NRXN3: variants seen among roughly 807,000 people sequenced by gnomAD.
NRXN3 encodes the protein neurexin III.
NRXN3 carries 32 observed loss-of-function variants against 137.6 expected under a neutral mutation model. That is an observed-to-expected ratio of 0.23 (90% CI 0.18 to 0.31). NRXN3 has a LOEUF of 0.31. Among genes scored for constraint, NRXN3 ranks in the 10% least tolerant of loss-of-function variants. NRXN3 has a pLI of 1.00. For synonymous variants in NRXN3, 798 were observed against 784.5 expected, an observed-to-expected ratio of 1.02 and a Z score of -0.29; for missense variants, 1,574 against 2,062.5, an observed-to-expected ratio of 0.76 and a Z score of 4.59.
intron 10 of NRXN3, among the ~76,000 whole-genome samples, chr14:78,881,593 G>A (rs1008714071): frequency 6.6e-6 from 1 of 151,568 alleles, no homozygotes; most frequent in Non-Finnish European, 1.5e-5. Flanking sequence ...AGATGATTTA[G>A]GGTATCTAGT....
At position 79,361,498 on chromosome 14, in the gene NRXN3, C is replaced by T. The variant is rs568069100; in HGVS notation, c.3263-105723C>T. Reference sequence around the variant, plus strand: ...TTGGGAGGCCGAGGTGGGTGGATCACTTGAGGTCAGGAGTTTGAGACTAGC... The same window carrying T: ...TTGGGAGGCCGAGGTGGGTGGATCATTTGAGGTCAGGAGTTTGAGACTAGC... On this transcript the variant is annotated intron_variant, in intron 15 of 20. Transcript: ENST00000335750. Among the ~76,000 whole-genome samples the T allele has an allele frequency of 5.3e-5, 8 of 152,220 alleles. No homozygotes were observed. In the South Asian group the frequency reaches 8.3e-4, roughly 16 times the overall value.
At chr14:79,225,291 C>G (rs138439970) in intron 15 of NRXN3, among the ~76,000 whole-genome samples, 47 of 152,236 alleles carry the variant, frequency 3.1e-4, no homozygotes, top group Admixed American at 3.0e-3. Flanking sequence ...TAAGATAAAA[C>G]CAAAAGCCAA....
intron 4 of NRXN3, among the ~76,000 whole-genome samples, chr14:78,427,845 T>A (rs183267581): frequency 2.0e-5 from 3 of 152,310 alleles, no homozygotes; most frequent in East Asian, 3.9e-4. Context: ...CCTCTACCCA[T>A]TAGCCAGAGG....
intron 2 of NRXN3, among the ~76,000 whole-genome samples, chr14:78,245,138 G>A (rs548455778): frequency 1.3e-5 from 2 of 152,268 alleles, no homozygotes; most frequent in South Asian, 4.1e-4. Context: ...TATCCTTTTA[G>A]GATTAAGCCC....
At chr14:78,546,738 C>A (rs1261799062) in intron 4 of NRXN3, among the ~76,000 whole-genome samples, 1 of 152,170 alleles carries the variant, frequency 6.6e-6, no homozygotes, top group East Asian at 1.9e-4. Context: ...ACACTTACTG[C>A]TGCTATGTGG....
At chr14:79,655,813 A>G (rs1206154975) in intron 16 of NRXN3, among the ~76,000 whole-genome samples, 1 of 152,152 alleles carries the variant, frequency 6.6e-6, no homozygotes, top group African/African-American at 2.4e-5. Context: ...GTCCCTGGAG[A>G]TAAGCATCCC....
In NRXN3 at chr14:79,782,442, T is replaced by C. The variant is rs149303824; in HGVS notation, c.4015-22670T>C. 6.4e-3 allele frequency among the ~76,000 whole-genome samples: 967 copies of C among 152,264 alleles called. 40 individuals are homozygous for C. The highest frequency in any genetic ancestry group is 0.057 in the Admixed American group (877 of 15,296). On this transcript the variant is annotated intron_variant, in intron 19 of 20. Coordinates refer to ENST00000335750, the MANE Select transcript of NRXN3 (RefSeq NM_001330195.2). ...TCATATATAAAGAGTATTCTGAGAGTAAAACACGCATACAAATGAAAAGTA... is the reference window on the plus strand; with the variant it reads ...TCATATATAAAGAGTATTCTGAGAGCAAAACACGCATACAAATGAAAAGTA...
intron 4 of NRXN3, among the ~76,000 whole-genome samples, chr14:78,543,375 C>T (rs549447359): frequency 1.4e-4 from 22 of 151,760 alleles, no homozygotes; most frequent in Non-Finnish European, 2.7e-4. Flanking sequence ...GTGTCCTCAA[C>T]ATATTGAAAA....
chr14:78,388,684 C>G (rs1314022275), intron 4 of NRXN3, among the ~76,000 whole-genome samples: 2 of 151,996 alleles, frequency 1.3e-5, no homozygotes, highest in Non-Finnish European at 2.9e-5. Context: ...ACTATCTAAC[C>G]CTTTATAGAG....
At chr14:79,334,131 T>C (rs1166916182) in intron 15 of NRXN3, among the ~76,000 whole-genome samples, 1 of 152,142 alleles carries the variant, frequency 6.6e-6, no homozygotes, top group Non-Finnish European at 1.5e-5. Flanking sequence ...GGGATGGGGC[T>C]AAAAACAATA....
chr14:78,614,794 C>CACTCCCT (rs2097331614), intron 4 of NRXN3: 1 of 343,146 alleles, frequency 2.9e-6, no homozygotes, highest in African/African-American at 2.1e-5. Context: ...GTGCCCAAGG[C>CACTCCCT]ACTCCCTACA....
At chr14:79,378,264 C>T (rs575872305) in intron 15 of NRXN3, among the ~76,000 whole-genome samples, 12 of 152,156 alleles carry the variant, frequency 7.9e-5, no homozygotes, top group Non-Finnish European at 1.5e-4. Context: ...ATGACTCTGG[C>T]ACACAGACCA....
intron 15 of NRXN3, among the ~76,000 whole-genome samples, chr14:79,168,907 A>G (rs1384624124): frequency 6.6e-6 from 1 of 152,098 alleles, no homozygotes. Context: ...ATTAGAGTAC[A>G]AATTCCTCCA....
rs75762891 is a variant in NRXN3, at chr14:78,913,756, A to G, written c.2276-43486A>G. ...AAGAAATAAAGCCTACTTGAAGTCC[A>G]TAAAGAGAAAACAGATGAAATCTGG... On this transcript the variant is annotated intron_variant, in intron 10 of 20. Coordinates refer to ENST00000335750, the MANE Select transcript of NRXN3 (RefSeq NM_001330195.2). Among the ~76,000 whole-genome samples, 622 of 152,274 alleles carry G rather than the reference A, an allele frequency of 4.1e-3. 6 individuals are homozygous for G. Among genetic ancestry groups the G allele is most frequent in the Non-Finnish European group, 6.7e-3 (457 of 68,018 alleles).
intron 19 of NRXN3, among the ~76,000 whole-genome samples, chr14:79,757,435 T>C (rs1277075071): frequency 2.6e-5 from 4 of 152,170 alleles, no homozygotes; most frequent in African/African-American, 9.7e-5. Context: ...ATGGGTTTCC[T>C]GATATTATTG....
rs755514894 is a variant in NRXN3, at chr14:78,967,221, G to A, written c.2791G>A (p.Val931Ile). ...VELVKGYIHY[V>I]FDLGNGPNVI... ...TTTTCTTCCTAGGTATATACACTAC[G>A]TTTTTGACCTCGGAAACGGTCCCAA... Residue 931 changes from valine to isoleucine, a missense_variant, in exon 13 of 21, where the codon GTT becomes ATT. Val to Ile is a conservative substitution (Grantham distance 29). This residue lies in a region of NRXN3 where 718 missense variants were observed against 887.6 expected (regional missense o/e 0.81). Transcript: ENST00000335750. The A allele has an allele frequency of 3.0e-5, 48 of 1,603,866 alleles. No homozygotes were observed. The highest frequency in any genetic ancestry group is 5.5e-5 in the South Asian group (5 of 90,464).
chr14:79,517,588 G>A (rs2097005492), intron 16 of NRXN3, among the ~76,000 whole-genome samples: 2 of 152,032 alleles, frequency 1.3e-5, no homozygotes, highest in Admixed American at 6.6e-5. Context: ...GCACTACCAT[G>A]TTTTGCTTTA....
At chr14:79,449,000 T>C (rs928633705) in intron 15 of NRXN3, among the ~76,000 whole-genome samples, 2 of 152,062 alleles carry the variant, frequency 1.3e-5, no homozygotes, top group East Asian at 1.9e-4. Context: ...AAGCGCTTTA[T>C]TGAGTAGGGT....
intron 19 of NRXN3, among the ~76,000 whole-genome samples, chr14:79,785,807 A>T (rs1269156225): frequency 6.6e-6 from 1 of 152,034 alleles, no homozygotes; most frequent in Non-Finnish European, 1.5e-5. Flanking sequence ...ACTAACCAGA[A>T]TTTTTCTCAA....
Sources: gnomAD v4.1 joint callset for allele counts (sites outside exome capture counted in the v4.1 genomes callset) on GRCh38, gnomAD v4.1.1 for gene constraint, gnomAD v4.1.1 regional missense constraint, MANE v1.5 for transcripts, NCBI Gene and HGNC (gene_info 2026-07-23, HGNC 2026-07-21) for gene names.